PALLD: variants seen among roughly 807,000 people sequenced by gnomAD.
PALLD encodes the protein palladin, cytoskeletal associated protein, also known as palladin.
Under a neutral mutation model 123.5 loss-of-function variants are expected in PALLD, and 61 were observed. The ratio of observed to expected loss-of-function variants is 0.49; its 90% CI spans 0.40 to 0.61. The LOEUF (loss-of-function observed/expected upper bound fraction) is 0.61, where lower values mean the gene tolerates loss of function less well. Ranked by LOEUF, PALLD falls within the 20% of genes least tolerant of loss-of-function variation. The pLI is 0.00. For missense variants in PALLD, 1,273 were observed against 1,377.0 expected, an observed-to-expected ratio of 0.92 and a Z score of 1.20; for synonymous variants, 465 against 496.4, an observed-to-expected ratio of 0.94 and a Z score of 0.84.
intron 3 of PALLD, among the ~76,000 whole-genome samples, chr4:168,670,739 CAAAAAAACA>C (rs1425850070): frequency 1.5e-3 from 66 of 45,068 alleles, no homozygotes; most frequent in Admixed American, 4.8e-3. Flanking sequence ...GACTCCGTCT[CAAAAAAACA>C]AAAAAAACAA....
At chr4:168,521,171 CAAAAAAAACAAAAACA>C (rs1014643963) in intron 2 of PALLD, among the ~76,000 whole-genome samples, 35 of 147,028 alleles carry the variant, frequency 2.4e-4, no homozygotes, top group Middle Eastern at 3.5e-3. Context: ...CTGCAGATGG[CAAAAAAAACAAAAACA>C]AAAAAAAACA....
At chr4:168,695,978 G>A (rs189961957) in intron 8 of PALLD, among the ~76,000 whole-genome samples, 1 of 152,182 alleles carries the variant, frequency 6.6e-6, no homozygotes, top group Admixed American at 6.5e-5. Context: ...GGCCACACTG[G>A]AAGAAGAATT....
At chr4:168,648,804 G>A (rs779460794) in intron 2 of PALLD, 1 of 152,174 alleles carries the variant, frequency 6.6e-6, no homozygotes, top group Non-Finnish European at 1.5e-5. Context: ...ACATTTCCCT[G>A]TCTGAAATTA....
intron 10 of PALLD, among the ~76,000 whole-genome samples, chr4:168,714,038 A>G (rs2150224928): frequency 7.6e-6 from 1 of 131,950 alleles, no homozygotes; most frequent in South Asian, 2.3e-4. Flanking sequence ...TTGCATATTT[A>G]CCTGCCATTT....
At chr4:168,544,239 C>T (rs1372929734) in intron 2 of PALLD, among the ~76,000 whole-genome samples, 1 of 152,256 alleles carries the variant, frequency 6.6e-6, no homozygotes, top group Non-Finnish European at 1.5e-5. Flanking sequence ...CACATTTCTG[C>T]ATATCCTGCA....
chr4:168,544,871 C>T (rs1765990087), intron 2 of PALLD, among the ~76,000 whole-genome samples: 1 of 152,156 alleles, frequency 6.6e-6, no homozygotes, highest in South Asian at 2.1e-4. Flanking sequence ...AAGTCATCCC[C>T]AGGGAAACAA....
chr4:168,808,801 A>G (rs1305653665), intron 10 of PALLD, among the ~76,000 whole-genome samples: 1 of 152,314 alleles, frequency 6.6e-6, no homozygotes, highest in Non-Finnish European at 1.5e-5. Flanking sequence ...ATTCACTACT[A>G]CAATAACAGT....
intron 8 of PALLD, among the ~76,000 whole-genome samples, chr4:168,696,039 TAA>T (rs35465576): frequency 3.3e-5 from 5 of 150,436 alleles, no homozygotes; most frequent in African/African-American, 9.8e-5. Flanking sequence ...CTTTTGAGCT[TAA>T]AAAAAAAATC....
chr4:168,654,280 G>A (rs139689276), intron 2 of PALLD, among the ~76,000 whole-genome samples: 124 of 152,162 alleles, frequency 8.1e-4, no homozygotes, highest in African/African-American at 2.7e-3. Flanking sequence ...TTGGGGAGGA[G>A]GGAAGGGGTG....
Position 168,898,772 on chromosome 4 carries a change from C to T in PALLD, c.2472+58C>T, listed in dbSNP as rs572098100. 26 of 1,037,186 alleles carry T rather than the reference C, an allele frequency of 2.5e-5. No individual in the cohort carries two copies. In the South Asian group the frequency reaches 3.3e-4, roughly 13 times the overall value. 64.2% of individuals were successfully genotyped at this position (1,037,186 alleles called of 1,614,324 possible). On this transcript the variant is annotated intron_variant, in intron 14 of 21. Transcript: ENST00000505667. The stretch of plus-strand genomic sequence containing the variant: ...ATTCTCTGAGGAAAGGTTTAGCTTC[C>T]AAAACATAGCATGCCAGTAGGAGAA...
At chr4:168,498,813 T>C (rs1761023508) in intron 1 of PALLD, among the ~76,000 whole-genome samples, 2 of 152,176 alleles carry the variant, frequency 1.3e-5, no homozygotes, top group African/African-American at 4.8e-5. Context: ...GTAATGGAAA[T>C]GGATAATTCA....
At chr4:168,556,886 C>T (rs1412010611) in intron 2 of PALLD, among the ~76,000 whole-genome samples, 1 of 152,184 alleles carries the variant, frequency 6.6e-6, no homozygotes, top group Non-Finnish European at 1.5e-5. Flanking sequence ...GAAGTGGCTA[C>T]TTCTGCCTGT....
At chr4:168,705,275 C>T (rs1043104438) in intron 8 of PALLD, among the ~76,000 whole-genome samples, 13 of 152,138 alleles carry the variant, frequency 8.5e-5, no homozygotes, top group Admixed American at 6.5e-4. Flanking sequence ...GATAAGATTA[C>T]AGGAAACTCA....
At chr4:168,914,093 T>C in intron 16 of PALLD, 72 bp downstream of exon 16, 1 of 930,272 alleles carries the variant, frequency 1.1e-6, no homozygotes. Context: ...ACTATTAGAA[T>C]CATCATATGA....
intron 4 of PALLD, 113 bp downstream of exon 4, chr4:168,681,511 C>A: frequency 9.1e-6 from 6 of 655,826 alleles, no homozygotes; most frequent in Non-Finnish European, 1.4e-5. Context: ...TGATGTTAAT[C>A]AGAGATCAAA....
rs1343514985 is a variant in PALLD, at chr4:168,606,554, A to G, written c.909-61636A>G. Reference sequence around the variant, plus strand: ...CTGGGCATGGTAACGGTCACCTGTAATCCCAGCTACTCGGGAGGCTGAGGC... The same window carrying G: ...CTGGGCATGGTAACGGTCACCTGTAGTCCCAGCTACTCGGGAGGCTGAGGC... On this transcript the variant is annotated intron_variant, in intron 2 of 21. Coordinates refer to ENST00000505667, the MANE Select transcript of PALLD (RefSeq NM_001166108.2). Among the ~76,000 whole-genome samples, 5 of 151,862 alleles carry G rather than the reference A, an allele frequency of 3.3e-5. No individual in the cohort carries two copies. The East Asian group carries it at 7.7e-4, about 24-fold the overall frequency.
chr4:168,637,796 T>C (rs556875623), intron 2 of PALLD, among the ~76,000 whole-genome samples: 2 of 151,972 alleles, frequency 1.3e-5, no homozygotes, highest in Non-Finnish European at 1.5e-5. Context: ...ATACAAAAAT[T>C]AGTTGGGCAT....
At chr4:168,903,650 T>C (rs1015304808) in intron 14 of PALLD, 107 bp from the exon 15 acceptor site, 13 of 915,730 alleles carry the variant, frequency 1.4e-5, no homozygotes, top group Non-Finnish European at 2.3e-5. Context: ...CATTTTAACA[T>C]GAAAACTCAG....
chr4:168,883,470 A>C (rs1752908788), intron 10 of PALLD, among the ~76,000 whole-genome samples: 1 of 152,216 alleles, frequency 6.6e-6, no homozygotes. Context: ...TGTAATAGTT[A>C]AATTCTCTGG....
Sources: gnomAD v4.1 joint callset for allele counts (sites outside exome capture counted in the v4.1 genomes callset) on GRCh38, gnomAD v4.1.1 for gene constraint, MANE v1.5 for transcripts, NCBI Gene and HGNC (gene_info 2026-07-23, HGNC 2026-07-21) for gene names.